CNTN5: variants seen among roughly 807,000 people sequenced by gnomAD.
CNTN5 encodes contactin-5.
A neutral mutation model predicts 129.1 loss-of-function variants in CNTN5; 77 were observed. The ratio of observed to expected loss-of-function variants is 0.60; its 90% CI spans 0.50 to 0.72. CNTN5 has a LOEUF of 0.72. Ranked by LOEUF, CNTN5 falls within the 30% of genes least tolerant of loss-of-function variation. The pLI, the probability that CNTN5 is intolerant of heterozygous loss-of-function variation, is 0.00. For synonymous variants in CNTN5, 509 were observed against 465.6 expected (o/e 1.09, Z -1.20); for missense variants, 1,478 against 1,328.8 (o/e 1.11, Z -1.75).
chr11:99,894,772 A>G (rs1369424091), intron 6 of CNTN5, among the ~76,000 whole-genome samples: 1 of 152,184 alleles, frequency 6.6e-6, no homozygotes, highest in African/African-American at 2.4e-5. Flanking sequence ...TTTGAAATCC[A>G]AAGTCAAATT....
At chr11:100,201,748 C>A (rs1223782591) in intron 15 of CNTN5, among the ~76,000 whole-genome samples, 1 of 151,902 alleles carries the variant, frequency 6.6e-6, no homozygotes, top group African/African-American at 2.4e-5. Flanking sequence ...GTAGTAGATA[C>A]TGTGGTGTGT....
At chr11:99,857,770 A>G (rs1186097806) in intron 6 of CNTN5, among the ~76,000 whole-genome samples, 4 of 152,154 alleles carry the variant, frequency 2.6e-5, no homozygotes, top group Non-Finnish European at 5.9e-5. Context: ...TCCTAAGTGC[A>G]GAGAGAAGAA....
chr11:99,948,794 C>T (rs1423084886), intron 7 of CNTN5, among the ~76,000 whole-genome samples: 2 of 152,216 alleles, frequency 1.3e-5, no homozygotes, highest in Non-Finnish European at 2.9e-5. Context: ...GGTGCTCCAT[C>T]CAGACCTTCA....
chr11:99,278,357 T>C (rs1202416802), intron 1 of CNTN5, among the ~76,000 whole-genome samples: 1 of 151,734 alleles, frequency 6.6e-6, no homozygotes, highest in South Asian at 2.1e-4. Context: ...TCTAAAATCA[T>C]TGAATATAAA....
intron 3 of CNTN5, among the ~76,000 whole-genome samples, chr11:99,669,040 G>A (rs908672027): frequency 3.9e-5 from 6 of 152,026 alleles, no homozygotes; most frequent in East Asian, 1.9e-4. Flanking sequence ...ATTGATGCAC[G>A]CGTGGATATT....
chr11:100,293,233 TG>T (rs1189250962), intron 18 of CNTN5, among the ~76,000 whole-genome samples: 2 of 151,874 alleles, frequency 1.3e-5, no homozygotes, highest in Non-Finnish European at 2.9e-5. Context: ...CCATTCATTT[TG>T]TACACTCACC....
chr11:99,829,220 G>A (rs1947062633), intron 4 of CNTN5, among the ~76,000 whole-genome samples: 1 of 152,134 alleles, frequency 6.6e-6, no homozygotes, highest in Admixed American at 6.6e-5. Context: ...AAAATATTTG[G>A]ATAGAGGTTA....
At chr11:100,341,024 C>A in intron 22 of CNTN5, 69 bp from the exon 23 acceptor site, 1 of 1,156,554 alleles carries the variant, frequency 8.6e-7, no homozygotes, top group Non-Finnish European at 1.3e-6. Context: ...TTGAGATACT[C>A]ACAAAGAATT....
Position 99,163,025 on chromosome 11 carries a change from C to T in CNTN5, c.-210+141755C>T, listed in dbSNP as rs144673339. 9.9e-5 allele frequency among the ~76,000 whole-genome samples: 15 copies of T among 152,214 alleles called. No individual in the cohort carries two copies. The South Asian group carries it at 1.2e-3, about 13-fold the overall frequency. On this transcript the variant is annotated intron_variant, in intron 1 of 24. Coordinates refer to ENST00000524871, the MANE Select transcript of CNTN5 (RefSeq NM_014361.4). ...TGCTTTTAGTTTCTCTTTTCACAACCGAAGTTGCCTTTTCAGAAGAAATTA... is the reference window on the plus strand; with the variant it reads ...TGCTTTTAGTTTCTCTTTTCACAACTGAAGTTGCCTTTTCAGAAGAAATTA...
chr11:99,030,780 C>CTTTT (rs71305325), intron 1 of CNTN5, among the ~76,000 whole-genome samples: 77 of 120,210 alleles, frequency 6.4e-4, no homozygotes, highest in African/African-American at 1.7e-3. Flanking sequence ...TGCTAACTCT[C>CTTTT]TTTTTTTTTT....
intron 2 of CNTN5, among the ~76,000 whole-genome samples, chr11:99,382,879 CAG>C (rs1940680663): frequency 4.8e-4 from 4 of 8,336 alleles, no homozygotes; most frequent in East Asian, 0.015. Flanking sequence ...TTTTTTTAGA[CAG>C]AGTCTCGCTC....
chr11:99,582,239 C>A (rs922969402), intron 3 of CNTN5, among the ~76,000 whole-genome samples: 2 of 152,196 alleles, frequency 1.3e-5, no homozygotes, highest in African/African-American at 4.8e-5. Context: ...CCCGACCTTT[C>A]TCTCTGGCTG....
chr11:99,032,914 G>A (rs887887988), intron 1 of CNTN5, among the ~76,000 whole-genome samples: 2 of 138,572 alleles, frequency 1.4e-5, no homozygotes, highest in Non-Finnish European at 3.0e-5. Flanking sequence ...TAACGTTTAA[G>A]TCTTTAATCC....
chr11:99,337,525 G>A (rs916409508), intron 2 of CNTN5, among the ~76,000 whole-genome samples: 2 of 152,168 alleles, frequency 1.3e-5, no homozygotes, highest in Non-Finnish European at 2.9e-5. Flanking sequence ...TTGCTCATAC[G>A]TTTGTTTGCG....
At chr11:100,347,862 C>G (rs1217989525) in intron 23 of CNTN5, among the ~76,000 whole-genome samples, 1 of 152,018 alleles carries the variant, frequency 6.6e-6, no homozygotes, top group Non-Finnish European at 1.5e-5. Context: ...TATGAGCCAT[C>G]CCTCTCAGGA....
rs538530216 is a variant in CNTN5, at chr11:99,114,039, T to C, written c.-210+92769T>C. On this transcript the variant is annotated intron_variant, in intron 1 of 24. Transcript: ENST00000524871. ...TGTATTTTTAATGTTTATGTTAGATTTCATAGTCCTTGTCAGTAGTGATTT... is the reference window on the plus strand; with the variant it reads ...TGTATTTTTAATGTTTATGTTAGATCTCATAGTCCTTGTCAGTAGTGATTT... Among the ~76,000 whole-genome samples the C allele has an allele frequency of 7.2e-5, 11 of 152,268 alleles. No homozygotes were observed. In the South Asian group the frequency reaches 2.3e-3, roughly 32 times the overall value.
chr11:99,817,234 G>C (rs558411603), intron 3 of CNTN5, among the ~76,000 whole-genome samples: 13 of 152,174 alleles, frequency 8.5e-5, no homozygotes, highest in Non-Finnish European at 1.3e-4. Context: ...TTGAATGAAT[G>C]AATGAATCAA....
chr11:99,584,256 A>G (rs1007829880), intron 3 of CNTN5, among the ~76,000 whole-genome samples: 12 of 152,166 alleles, frequency 7.9e-5, no homozygotes, highest in African/African-American at 2.2e-4. Context: ...GAGTATTAAA[A>G]TTAGCTCTGT....
chr11:99,182,351 A>G (rs1353461997), intron 1 of CNTN5, among the ~76,000 whole-genome samples: 2 of 152,222 alleles, frequency 1.3e-5, no homozygotes, highest in African/African-American at 2.4e-5. Context: ...TGAATGTTGT[A>G]CCTCACAGTC....
Sources: allele counts gnomAD v4.1 joint callset (sites outside exome capture counted in the v4.1 genomes callset), GRCh38; gene constraint gnomAD v4.1.1; transcripts MANE v1.5; gene names NCBI Gene and HGNC (gene_info 2026-07-23, HGNC 2026-07-21).